Variants in CASKIN1 observed in about 807,000 individuals in gnomAD.
CASKIN1 encodes CASK interacting protein 1.
CASKIN1 carries 42 observed loss-of-function variants against 117.5 expected under a neutral mutation model. The ratio of observed to expected loss-of-function variants is 0.36; its 90% CI spans 0.28 to 0.46. CASKIN1 has a LOEUF of 0.46. Among genes scored for constraint, CASKIN1 ranks in the 20% least tolerant of loss-of-function variants. CASKIN1 has a pLI of 1.00. For missense variants in CASKIN1, 2,083 were observed against 2,077.3 expected (o/e 1.00, Z -0.05); for synonymous variants, 1,148 against 961.7 (o/e 1.19, Z -3.59).
rs1249133963 is a variant in CASKIN1 at position 2,179,838 on chromosome 16, A to ACGGTGC, written c.3524_3529dup (p.Gly1175_Thr1176dup). ...CTGCTCCGAGGCCGGTCGGCGGCGC[A>ACGGTGC]CGGTGCCAGTGCCATTATGGTACAC... On this transcript the variant is annotated inframe_insertion, in exon 18 of 20. Coordinates refer to ENST00000343516, the MANE Select transcript of CASKIN1 (RefSeq NM_020764.4). The surrounding 1 kb of genome is among the most constrained non-coding windows in gnomAD (Gnocchi z 5.8). 16 of 1,601,842 alleles carry ACGGTGC rather than the reference A, an allele frequency of 1.0e-5. No homozygotes were observed. The highest frequency in any genetic ancestry group is 1.7e-6 in the Non-Finnish European group (2 of 1,175,744).
intron 16 of CASKIN1, 40 bp from the exon 17 acceptor site, chr16:2,181,969 GC>G (rs2093169659): frequency 6.2e-7 from 1 of 1,607,410 alleles, no homozygotes; most frequent in Non-Finnish European, 8.5e-7. Flanking sequence ...TGGGCTGGCT[GC>G]CCGCACCCTG....
intron 1 of CASKIN1, among the ~76,000 whole-genome samples, chr16:2,194,060 A>G (rs2093208577): frequency 6.6e-6 from 1 of 152,078 alleles, no homozygotes; most frequent in African/African-American, 2.4e-5. Flanking sequence ...CTTACCCCCG[A>G]CCAGCCCTCT....
At position 2,179,057 on chromosome 16, in the gene CASKIN1, G is replaced by A; in HGVS notation, c.4044C>T (p.Ala1348=). 2.4e-5 allele frequency: 24 copies of A among 1,002,950 alleles called. No individual in the cohort carries two copies. The highest frequency in any genetic ancestry group is 2.8e-5 in the Non-Finnish European group (24 of 843,414). 62.1% of individuals were successfully genotyped at this position (1,002,950 alleles called of 1,614,324 possible). The change falls in exon 19 of 20, where the codon GCC becomes GCT. Residue 1348 remains alanine, a synonymous_variant. Coordinates refer to ENST00000343516, the MANE Select transcript of CASKIN1 (RefSeq NM_020764.4). The surrounding 1 kb of genome is among the most constrained non-coding windows in gnomAD (Gnocchi z 5.8). ...VPAKPPRAAA[A]AAAAAAAPPA... is the part of the protein sequence containing the mutation. ...GGGGCGCGGCGGCGGCGGCGGCGGC[G>A]GCGGCGGCGGCTCGCGGGGGCTTGG...
chr16:2,179,399 G>C lies in CASKIN1; in HGVS notation c.3776-74C>G. The C allele has an allele frequency of 1.2e-5, 16 of 1,306,330 alleles. No homozygotes were observed. The Admixed American group carries it at 1.5e-4, about 13-fold the overall frequency. The allele number at this position is 1,306,330 out of a possible 1,614,324, so 80.9% of individuals were successfully genotyped here. Reference sequence around the variant, plus strand: ...GCGCCCCCTGCCCCAGCCTCCCGCGGCTTCCTCCCCAGCGGACCGGGAAAG... The same window carrying C: ...GCGCCCCCTGCCCCAGCCTCCCGCGCCTTCCTCCCCAGCGGACCGGGAAAG... On this transcript the variant is annotated intron_variant, in intron 18 of 19. Transcript: ENST00000343516. This position sits in a 1 kb window ranked among gnomAD's most constrained non-coding sequence, Gnocchi z 5.8.
In CASKIN1 at chr16:2,180,998, G is replaced by A. The variant is rs747679284; in HGVS notation, c.2370C>T (p.Ala790=). The A allele has an allele frequency of 6.7e-7, 1 of 1,485,016 alleles. No homozygotes were observed. The highest frequency in any genetic ancestry group is 8.9e-7 in the Non-Finnish European group (1 of 1,122,182). The allele number at this position is 1,485,016 out of a possible 1,614,324, so 92.0% of individuals were successfully genotyped here. The change falls in exon 18 of 20, where the codon GCC becomes GCT. Residue 790 remains alanine, a synonymous_variant. Coordinates refer to ENST00000343516, the MANE Select transcript of CASKIN1 (RefSeq NM_020764.4). ...PTKTRPGSPQ[A]LGGPHGPAPA... ...GGGCTGGACCATGAGGTCCCCCAAGGGCCTGGGGAGAGCCTGGTCGGGTTT... is the reference window on the plus strand; with the variant it reads ...GGGCTGGACCATGAGGTCCCCCAAGAGCCTGGGGAGAGCCTGGTCGGGTTT...
chr16:2,189,021 C>T lies in CASKIN1; in HGVS notation c.617+6G>A. ...AGGCTGAGGCCCTCCCTGCTACCGG[C>T]TCTACCTGATGATGTCGATGTGGCC... On this transcript the variant is annotated splice_donor_region_variant and intron_variant, in intron 6 of 19. Coordinates refer to ENST00000343516, the MANE Select transcript of CASKIN1 (RefSeq NM_020764.4). The T allele has an allele frequency of 1.2e-6, 2 of 1,610,210 alleles. No homozygotes were observed. The highest frequency in any genetic ancestry group is 1.7e-6 in the Non-Finnish European group (2 of 1,177,634).
chr16:2,184,865 A>T lies in CASKIN1; in HGVS notation c.1328T>A (p.Val443Glu). ...PAKPPEGSAG[V>E]ARSQPPVAHA... is the part of the protein sequence containing the mutation. ...GGCCACTGGAGGCTGGGACCGGGCCACACCTGAGGACGAGAGTGGGTGGGG... is the reference window on the plus strand; with the variant it reads ...GGCCACTGGAGGCTGGGACCGGGCCTCACCTGAGGACGAGAGTGGGTGGGG... The change falls in exon 14 of 20, where the codon GTG becomes GAG. Residue 443 changes from valine to glutamate, a missense_variant. Val to Glu is a moderately radical substitution (Grantham distance 121). This residue lies in a region of CASKIN1 where 1,818 missense variants were observed against 1,688.9 expected (regional missense o/e 1.08). Transcript: ENST00000343516. The T allele has an allele frequency of 1.3e-6, 2 of 1,570,698 alleles. No individual in the cohort carries two copies. Among genetic ancestry groups the T allele is most frequent in the Admixed American group, 1.9e-5 (1 of 53,298 alleles).
In CASKIN1 at chr16:2,178,448, C is replaced by A; in HGVS notation, c.*102G>T. 1 of 923,602 alleles carries A rather than the reference C, an allele frequency of 1.1e-6. No homozygotes were observed. Among genetic ancestry groups the A allele is most frequent in the Non-Finnish European group, 1.5e-6 (1 of 660,438 alleles). The allele number at this position is 923,602 out of a possible 1,614,324, so 57.2% of individuals were successfully genotyped here. On this transcript the variant is annotated 3_prime_UTR_variant, in exon 20 of 20. Transcript: ENST00000343516. ...GCCGGAGTTGTGCTTCTGCAGGGCC[C>A]TGCCCGGCCGCTCGCGCCGCGCCCA...
chr16:2,189,579 G>A lies in CASKIN1; in HGVS notation c.245-15C>T. The A allele has an allele frequency of 1.9e-6, 3 of 1,587,492 alleles. No individual in the cohort carries two copies. The highest frequency in any genetic ancestry group is 2.6e-6 in the Non-Finnish European group (3 of 1,169,816). ...CGGCCGCATGCCTGGGGGGCGAGGG[G>A]ATGCTGGGAGCTGACCCTTGACCCC... On this transcript the variant is annotated splice_polypyrimidine_tract_variant and intron_variant, in intron 3 of 19. Coordinates refer to ENST00000343516, the MANE Select transcript of CASKIN1 (RefSeq NM_020764.4).
rs547212663 is a variant in CASKIN1, at chr16:2,180,471, G to A, written c.2897C>T (p.Pro966Leu). ...ALASANLADE[P>L]VPDAEPEDGL... is the part of the protein sequence containing the mutation. ...ATCCTCAGGCTCGGCGTCAGGCACC[G>A]GCTCATCCGCCAGGTTGGCACTAGC... is the stretch of plus-strand genomic sequence containing the variant. Residue 966 changes from proline (P) to leucine (L), a missense_variant, in exon 18 of 20, where the codon CCG (proline) becomes CTG (leucine). Transcript: ENST00000343516. 2.9e-5 allele frequency: 45 copies of A among 1,552,232 alleles called. No homozygotes were observed. Among genetic ancestry groups the A allele is most frequent in the South Asian group, 1.9e-4 (16 of 85,710 alleles).
Position 2,186,699 on chromosome 16 carries a change from G to T in CASKIN1, c.1048+8C>A, listed in dbSNP as rs1322152057. 27 of 1,610,832 alleles carry T rather than the reference G, an allele frequency of 1.7e-5. No individual in the cohort carries two copies. The East Asian group carries it at 5.8e-4, about 35-fold the overall frequency. On this transcript the variant is annotated splice_region_variant and intron_variant, in intron 10 of 19. Coordinates refer to ENST00000343516, the MANE Select transcript of CASKIN1 (RefSeq NM_020764.4). ...CCTGCCTGCCCCCCAGGGTGGGGTG[G>T]AACTTGCCTGCTCGCTTGACAATGG...
chr16:2,196,324 G>T lies in CASKIN1; in HGVS notation c.94+15C>A. ...CCCGGGGCTCCCACCCGCGCCCCGC[G>T]CCCCCGGCACTCACTGGCCTTCCCG... is the stretch of plus-strand genomic sequence containing the variant. On this transcript the variant is annotated intron_variant, in intron 1 of 19. Transcript: ENST00000343516. The surrounding 1 kb of genome is among the most constrained non-coding windows in gnomAD (Gnocchi z 5.7). 8.5e-7 allele frequency: 1 copy of T among 1,174,668 alleles called. No homozygotes were observed. The highest frequency in any genetic ancestry group is 1.1e-6 in the Non-Finnish European group (1 of 945,830). The allele number at this position is 1,174,668 out of a possible 1,614,324, so 72.8% of individuals were successfully genotyped here. A position where few individuals can be genotyped will look rare whatever the true frequency, so the allele number is the denominator to read the frequency against.
In CASKIN1 at chr16:2,189,516, A is replaced by C; in HGVS notation, c.293T>G (p.Met98Arg). The C allele has an allele frequency of 6.2e-7, 1 of 1,611,982 alleles. No individual in the cohort carries two copies. Among genetic ancestry groups the C allele is most frequent in the South Asian group, 1.1e-5 (1 of 91,058 alleles). ...CGAGCCCGCCTTCAGCACCAGCTTC[A>C]TGGGCTCCTTCCGGCCCTGCCAGGC... Reference protein sequence around the residue: ...YAAWQGRKEPMKLVLKAGSAV... With the variant: ...YAAWQGRKEPRKLVLKAGSAV... The change falls in exon 4 of 20, where the codon ATG (methionine) becomes AGG (arginine). Residue 98 changes from methionine (M) to arginine (R), a missense_variant. By Grantham distance (91) the Met-to-Arg change is moderately conservative. This residue lies in a region of CASKIN1 where 203 missense variants were observed against 338.7 expected (regional missense o/e 0.60). Transcript: ENST00000343516.
At chr16:2,192,569 GC>G (rs965845311) in intron 1 of CASKIN1, among the ~76,000 whole-genome samples, 1 of 152,048 alleles carries the variant, frequency 6.6e-6, no homozygotes, top group Non-Finnish European at 1.5e-5. Flanking sequence ...CTTTCCACAT[GC>G]CCTGTGTGCA....
chr16:2,180,360 C>T lies in CASKIN1; in HGVS notation c.3008G>A (p.Ser1003Asn), dbSNP rs1261775763. Residue 1003 changes from serine (S) to asparagine (N), a missense_variant, in exon 18 of 20, where the codon AGC becomes AAC. Coordinates refer to ENST00000343516, the MANE Select transcript of CASKIN1 (RefSeq NM_020764.4). ...GGACAGCTCCAGCATGGCCGCGATG[C>T]TCTTCACACTGCCGGCACTACCCGT... ...VDTGSAGSVK[S>N]IAAMLELSSI... 4 of 1,595,912 alleles carry T rather than the reference C, an allele frequency of 2.5e-6. No homozygotes were observed. The highest frequency in any genetic ancestry group is 1.7e-5 in the Admixed American group (1 of 59,532).
chr16:2,195,824 C>T (rs2093214033), intron 1 of CASKIN1, among the ~76,000 whole-genome samples: 2 of 152,228 alleles, frequency 1.3e-5, no homozygotes, highest in African/African-American at 4.8e-5. Context: ...GCCAGGGCAG[C>T]CACACCCCCA....
At chr16:2,186,274 G>T (rs779506426) in intron 10 of CASKIN1, among the ~76,000 whole-genome samples, 2 of 152,168 alleles carry the variant, frequency 1.3e-5, no homozygotes, top group African/African-American at 4.8e-5. Flanking sequence ...TGGCGCCGCC[G>T]GCTTTTAACG....
chr16:2,178,251 C>T lies in CASKIN1; in HGVS notation c.*299G>A. ...TCTGTGCTGGGCCCGGGCCTGTGCG[C>T]TGCCCCATCCCTGGTCCCGGGGCGC... On this transcript the variant is annotated 3_prime_UTR_variant, in exon 20 of 20. Transcript: ENST00000343516. The T allele has an allele frequency of 5.1e-6, 2 of 392,978 alleles. No individual in the cohort carries two copies. 24.3% of individuals were successfully genotyped at this position (392,978 alleles called of 1,614,324 possible). A position where few individuals can be genotyped will look rare whatever the true frequency, so the allele number is the denominator to read the frequency against.
rs1210681343 is a variant in CASKIN1 at position 2,196,527 on chromosome 16, C to T, written c.-95G>A. On this transcript the variant is annotated 5_prime_UTR_variant, in exon 1 of 20. Transcript: ENST00000343516. This position sits in a 1 kb window ranked among gnomAD's most constrained non-coding sequence, Gnocchi z 5.7. ...CCGCGGCACCGGCCGCCTCCCCCGCCGCCTCCCCCGCCGCCTCCTCGCCGC... is the reference window on the plus strand; with the variant it reads ...CCGCGGCACCGGCCGCCTCCCCCGCTGCCTCCCCCGCCGCCTCCTCGCCGC... 2.5e-6 allele frequency: 1 copy of T among 395,012 alleles called. No homozygotes were observed. Among genetic ancestry groups the T allele is most frequent in the Admixed American group, 6.5e-5 (1 of 15,274 alleles). 24.5% of individuals were successfully genotyped at this position (395,012 alleles called of 1,614,324 possible). A position where few individuals can be genotyped will look rare whatever the true frequency, so the allele number is the denominator to read the frequency against.
Sources: gnomAD v4.1 joint callset for allele counts (sites outside exome capture counted in the v4.1 genomes callset) on GRCh38, gnomAD v4.1.1 for gene constraint, gnomAD v4.1.1 regional missense constraint, Gnocchi (gnomAD v3.1) non-coding constraint, MANE v1.5 for transcripts, NCBI Gene and HGNC (gene_info 2026-07-23, HGNC 2026-07-21) for gene names.